TEX11: variants seen among roughly 807,000 people sequenced by gnomAD.
TEX11 encodes the protein testis expressed 11.
A neutral mutation model predicts 84.4 loss-of-function variants in TEX11; 7 were observed. The ratio of observed to expected loss-of-function variants is 0.08; its 90% CI spans 0.05 to 0.16. The LOEUF is 0.16. Among genes scored for constraint, TEX11 ranks in the 10% least tolerant of loss-of-function variants. TEX11 has a pLI of 1.00. For synonymous variants in TEX11, 264 were observed against 222.8 expected (o/e 1.18, Z -1.64); for missense variants, 551 against 660.5 (o/e 0.83, Z 1.82).
chrX:70,880,201 C>A, intron 2 of TEX11, 92 bp from the exon 3 acceptor site: 2 of 638,087 alleles, frequency 3.1e-6, no homozygotes, highest in South Asian at 5.4e-5. Flanking sequence ...AAATCATTGG[C>A]CAAATGAATA....
Position 70,832,818 on chromosome X carries a change from T to C in TEX11, c.606+695A>G, listed in dbSNP as rs1246747758. On this transcript the variant is annotated intron_variant, in intron 8 of 29. Transcript: ENST00000374333. ...AATCTCTCACATCTCCAAATCCCAG[T>C]ATAGAAAAATACTATGGCAGTAAGA... is the stretch of plus-strand genomic sequence containing the variant. Among the ~76,000 whole-genome samples, 4 of 112,207 alleles carry C rather than the reference T, an allele frequency of 3.6e-5. No individual in the cohort carries two copies. The East Asian group carries it at 1.1e-3, about 31-fold the overall frequency.
intron 9 of TEX11, among the ~76,000 whole-genome samples, chrX:70,797,389 A>G (rs942100177): frequency 9.0e-6 from 1 of 111,639 alleles, no homozygotes. Flanking sequence ...CTGAATCAGT[A>G]ATCAAAAATC....
intron 9 of TEX11, among the ~76,000 whole-genome samples, chrX:70,770,883 CAG>C (rs1164294234): frequency 2.4e-4 from 27 of 110,888 alleles, no homozygotes; most frequent in African/African-American, 8.9e-4. Context: ...CCTCCAAACT[CAG>C]AGATATTCCG....
In TEX11 at chrX:70,794,957, A is replaced by C. The variant is rs183807601; in HGVS notation, c.692+11748T>G. Among the ~76,000 whole-genome samples the C allele has an allele frequency of 1.6e-4, 17 of 107,918 alleles. No homozygotes were observed. The East Asian group carries it at 5.1e-3, about 32-fold the overall frequency. The allele number at this position is 107,918 out of a possible 115,157, so 93.7% of individuals were successfully genotyped here. ...TCTGCTTGACAAAAAAAAGGGGAAG[A>C]TGAAAGGGGACTTTATCTTGCAGCT... On this transcript the variant is annotated intron_variant, in intron 9 of 29. Coordinates refer to ENST00000374333, the MANE Select transcript of TEX11 (RefSeq NM_031276.3).
chrX:70,852,602 G>T (rs189601636), intron 7 of TEX11, among the ~76,000 whole-genome samples: 106 of 112,429 alleles, frequency 9.4e-4, no homozygotes, highest in Non-Finnish European at 2.8e-4. Context: ...ATAAACAGAG[G>T]TAAAGTATAA....
intron 18 of TEX11, among the ~76,000 whole-genome samples, chrX:70,625,318 A>C (rs1489614927): frequency 9.1e-6 from 1 of 109,772 alleles, no homozygotes; most frequent in Non-Finnish European, 1.9e-5. Context: ...CTCTTTTTCT[A>C]TCTCTCCCCG....
At chrX:70,870,685 C>A (rs1339891741) in intron 4 of TEX11, among the ~76,000 whole-genome samples, 1 of 111,613 alleles carries the variant, frequency 9.0e-6, no homozygotes, top group Non-Finnish European at 1.9e-5. Context: ...TATCCCTATT[C>A]TTTTTATTTT....
At chrX:70,705,288 T>G (rs1261175599) in intron 13 of TEX11, among the ~76,000 whole-genome samples, 2 of 111,813 alleles carry the variant, frequency 1.8e-5, no homozygotes, top group African/African-American at 6.5e-5. Flanking sequence ...GGCCCTTTTT[T>G]GGTTCCATAT....
intron 28 of TEX11, among the ~76,000 whole-genome samples, chrX:70,531,995 G>A (rs1219531048): frequency 9.0e-6 from 1 of 111,351 alleles, no homozygotes; most frequent in Non-Finnish European, 1.9e-5. Flanking sequence ...GACTGGAAAT[G>A]TAGGATGGAG....
chrX:70,766,911 A>T (rs768167691), intron 9 of TEX11, among the ~76,000 whole-genome samples: 1 of 112,005 alleles, frequency 8.9e-6, no homozygotes, highest in African/African-American at 3.2e-5. Flanking sequence ...GGGGAATCCA[A>T]TATGCAGAAG....
chrX:70,857,080 C>G, intron 5 of TEX11: 1 of 113,427 alleles, frequency 8.8e-6, no homozygotes. Context: ...CGTGGGGAAG[C>G]ACTGGGACAC....
At chrX:70,658,558 A>G (rs2089895962) in intron 16 of TEX11, among the ~76,000 whole-genome samples, 1 of 112,166 alleles carries the variant, frequency 8.9e-6, no homozygotes. Flanking sequence ...TCAAAAGTAA[A>G]TAAATACAGC....
intron 11 of TEX11, among the ~76,000 whole-genome samples, chrX:70,730,213 T>A (rs1282579161): frequency 9.0e-6 from 1 of 111,506 alleles, no homozygotes; most frequent in Non-Finnish European, 1.9e-5. Flanking sequence ...CATGCCAAAT[T>A]GTAAAGACCA....
At chrX:70,868,942 A>C (rs1279381624) in intron 4 of TEX11, among the ~76,000 whole-genome samples, 1 of 108,472 alleles carries the variant, frequency 9.2e-6, no homozygotes. Context: ...CTTAAAACCT[A>C]GATGACAGGT....
At position 70,790,664 on chromosome X, in the gene TEX11, T is replaced by C. The variant is rs1315076682; in HGVS notation, c.692+16041A>G. 3.6e-5 allele frequency among the ~76,000 whole-genome samples: 4 copies of C among 111,906 alleles called. No homozygotes were observed. In the South Asian group the frequency reaches 1.1e-3, roughly 31 times the overall value. ...GGCTTTCCTGCAGTACTGGAGTGCA[T>C]CTGATCTGCATGCCCCTCTGTCGGC... On this transcript the variant is annotated intron_variant, in intron 9 of 29. Coordinates refer to ENST00000374333, the MANE Select transcript of TEX11 (RefSeq NM_031276.3).
intron 9 of TEX11, among the ~76,000 whole-genome samples, chrX:70,775,426 C>T (rs1462111326): frequency 9.0e-6 from 1 of 110,807 alleles, no homozygotes; most frequent in Non-Finnish European, 1.9e-5. Flanking sequence ...AAAATATTTG[C>T]AAACTATTCA....
At chrX:70,609,538 G>A (rs780650018) in intron 21 of TEX11, among the ~76,000 whole-genome samples, 4 of 112,415 alleles carry the variant, frequency 3.6e-5, no homozygotes, top group African/African-American at 1.3e-4. Flanking sequence ...GTATCAATAT[G>A]CTGGCATAAT....
chrX:70,814,282 C>T (rs2091274858), intron 8 of TEX11, among the ~76,000 whole-genome samples: 1 of 111,500 alleles, frequency 9.0e-6, no homozygotes, highest in Non-Finnish European at 1.9e-5. Flanking sequence ...GAACAGAGCC[C>T]TCAGAAATAA....
At chrX:70,673,811 A>G (rs1489645999) in intron 15 of TEX11, among the ~76,000 whole-genome samples, 1 of 111,887 alleles carries the variant, frequency 8.9e-6, no homozygotes, top group Non-Finnish European at 1.9e-5. Flanking sequence ...CACAGTCTAG[A>G]TTACTGTAGC....
Sources: gnomAD v4.1 joint callset for allele counts (sites outside exome capture counted in the v4.1 genomes callset) on GRCh38, gnomAD v4.1.1 for gene constraint, MANE v1.5 for transcripts, NCBI Gene and HGNC (gene_info 2026-07-23, HGNC 2026-07-21) for gene names.